SSBP3: variants seen among roughly 807,000 people sequenced by gnomAD.
SSBP3 encodes the protein single-stranded DNA-binding protein 3.
SSBP3 carries 5 observed loss-of-function variants against 69.6 expected under a neutral mutation model. The observed-to-expected ratio is 0.07, with a 90% CI of 0.04 to 0.15. The LOEUF (loss-of-function observed/expected upper bound fraction) is 0.15, where lower values mean the gene tolerates loss of function less well. Ranked by LOEUF, SSBP3 falls within the 10% of genes least tolerant of loss-of-function variation. The pLI, the probability that SSBP3 is intolerant of heterozygous loss-of-function variation, is 1.00. For missense variants in SSBP3, 312 were observed against 534.0 expected (o/e 0.58, Z 4.10); for synonymous variants, 196 against 193.4 (o/e 1.01, Z -0.11).
chr1:54,404,661 G>A, intron 2 of SSBP3, 24 bp from the exon 3 acceptor site: 1 of 1,613,950 alleles, frequency 6.2e-7, no homozygotes, highest in Non-Finnish European at 8.5e-7. Flanking sequence ...AGCAGAAGCA[G>A]CTTAGAGGAG....
At chr1:54,373,037 A>C (rs1379944061) in intron 4 of SSBP3, among the ~76,000 whole-genome samples, 1 of 152,184 alleles carries the variant, frequency 6.6e-6, no homozygotes, top group Non-Finnish European at 1.5e-5. Context: ...TGAAGAGCAA[A>C]CCAACGGGCT....
intron 4 of SSBP3, among the ~76,000 whole-genome samples, chr1:54,323,391 G>A (rs974391680): frequency 4.3e-4 from 66 of 152,212 alleles, no homozygotes; most frequent in African/African-American, 1.2e-3. Context: ...CCTCCAGCAG[G>A]TGGGGCTGGG....
At chr1:54,300,636 A>T (rs1469031017) in intron 4 of SSBP3, among the ~76,000 whole-genome samples, 1 of 152,164 alleles carries the variant, frequency 6.6e-6, no homozygotes, top group Non-Finnish European at 1.5e-5. Flanking sequence ...ATCTGATCAG[A>T]CACCATCTGT....
At chr1:54,272,668 A>G (rs990587243) in intron 5 of SSBP3, among the ~76,000 whole-genome samples, 10 of 152,170 alleles carry the variant, frequency 6.6e-5, no homozygotes, top group Admixed American at 3.9e-4. Context: ...GTGGGGGCAG[A>G]GGGAGCAGCC....
chr1:54,291,240 G>A (rs908221450), intron 4 of SSBP3, among the ~76,000 whole-genome samples: 5 of 152,100 alleles, frequency 3.3e-5, no homozygotes, highest in African/African-American at 1.2e-4. Context: ...ACTCTCCTCA[G>A]TGAGCATCAA....
At chr1:54,369,732 A>C (rs1379811951) in intron 4 of SSBP3, among the ~76,000 whole-genome samples, 1 of 151,672 alleles carries the variant, frequency 6.6e-6, no homozygotes, top group Admixed American at 6.6e-5. Context: ...ACTCAGACTC[A>C]CCAACCAGTC....
At chr1:54,235,227 T>A (rs1644466151) in intron 14 of SSBP3, among the ~76,000 whole-genome samples, 1 of 151,710 alleles carries the variant, frequency 6.6e-6, no homozygotes, top group Admixed American at 6.6e-5. Flanking sequence ...ATCAGGCCTT[T>A]GCATCTGTAA....
At chr1:54,228,853 G>C in intron 14 of SSBP3, 27 bp from the exon 15 acceptor site, 2 of 1,604,256 alleles carry the variant, frequency 1.2e-6, no homozygotes, top group Non-Finnish European at 1.7e-6. Context: ...GGGCATGGCA[G>C]CTCAGCGGGC....
At chr1:54,312,026 A>C (rs1410392099) in intron 4 of SSBP3, among the ~76,000 whole-genome samples, 2 of 152,186 alleles carry the variant, frequency 1.3e-5, no homozygotes, top group Non-Finnish European at 2.9e-5. Flanking sequence ...GCTCCAGCAC[A>C]TAGCACCAGC....
chr1:54,367,470 G>A (rs1021025403), intron 4 of SSBP3, among the ~76,000 whole-genome samples: 5 of 152,214 alleles, frequency 3.3e-5, no homozygotes, highest in African/African-American at 1.2e-4. Context: ...ACAGGGAAAA[G>A]CATCTGAATC....
chr1:54,375,893 AGG>A (rs1275454982), intron 4 of SSBP3, among the ~76,000 whole-genome samples: 1 of 151,964 alleles, frequency 6.6e-6, no homozygotes, highest in Non-Finnish European at 1.5e-5. Context: ...TCCGCTGCCC[AGG>A]GGGGCCACAA....
At chr1:54,240,078 G>GCGCGCA (rs1644587008) in intron 13 of SSBP3, among the ~76,000 whole-genome samples, 1 of 20,840 alleles carries the variant, frequency 4.8e-5, no homozygotes, top group Non-Finnish European at 8.1e-5. Flanking sequence ...GTGTGTGTGT[G>GCGCGCA]TGTGTGTGTG....
rs138101698 is a variant in SSBP3, at chr1:54,263,549, T to A, written c.367-5400A>T. 6.5e-3 allele frequency among the ~76,000 whole-genome samples: 985 copies of A among 152,358 alleles called. 12 individuals carry two copies. Among genetic ancestry groups the A allele is most frequent in the African/African-American group, 0.022 (932 of 41,592 alleles). ...GTCCTGGTCCCCATCCTCCTGCTCCTGTGGCCACTCGCCTGCCCTTTACAA... is the reference window on the plus strand; with the variant it reads ...GTCCTGGTCCCCATCCTCCTGCTCCAGTGGCCACTCGCCTGCCCTTTACAA... On this transcript the variant is annotated intron_variant, in intron 5 of 17. Coordinates refer to ENST00000610401, the Ensembl canonical transcript of SSBP3.
chr1:54,233,525 C>G (rs1178440105), intron 14 of SSBP3, among the ~76,000 whole-genome samples: 6 of 147,506 alleles, frequency 4.1e-5, no homozygotes, highest in African/African-American at 7.7e-5. Flanking sequence ...CCGCCCCGTC[C>G]GGGAGGGAGG....
chr1:54,325,391 G>C (rs1646284005), intron 4 of SSBP3: 1 of 167,142 alleles, frequency 6.0e-6, no homozygotes, highest in South Asian at 2.1e-4. Flanking sequence ...AAGCATCATG[G>C]GATTCACCAG....
intron 4 of SSBP3, among the ~76,000 whole-genome samples, chr1:54,328,333 G>A (rs1373886748): frequency 1.3e-5 from 2 of 152,204 alleles, no homozygotes; most frequent in Non-Finnish European, 2.9e-5. Context: ...CGACCCACCT[G>A]AGGCAGGAGG....
chr1:54,253,174 G>GC (rs779378933), intron 7 of SSBP3, among the ~76,000 whole-genome samples: 2 of 135,114 alleles, frequency 1.5e-5, no homozygotes, highest in Non-Finnish European at 3.1e-5. Flanking sequence ...ATTTGTTTTT[G>GC]TTTTTTTTTT....
At chr1:54,239,813 T>C (rs994498399) in intron 13 of SSBP3, among the ~76,000 whole-genome samples, 1 of 152,108 alleles carries the variant, frequency 6.6e-6, no homozygotes, top group Non-Finnish European at 1.5e-5. Flanking sequence ...CTGAGCAGCT[T>C]CCCTGCTATG....
At chr1:54,297,405 G>A (rs948910022) in intron 4 of SSBP3, among the ~76,000 whole-genome samples, 4 of 152,194 alleles carry the variant, frequency 2.6e-5, no homozygotes, top group East Asian at 1.9e-4. Context: ...CAAGGCGGGC[G>A]GATCACTTGA....
Sources: gnomAD v4.1 joint callset for allele counts (sites outside exome capture counted in the v4.1 genomes callset) on GRCh38, gnomAD v4.1.1 for gene constraint, MANE v1.5 for transcripts, NCBI Gene and HGNC (gene_info 2026-07-23, HGNC 2026-07-21) for gene names.